GLI2: variants seen among roughly 807,000 people sequenced by gnomAD.
GLI2 encodes the protein GLI family zinc finger 2.
Under a neutral mutation model 78.9 loss-of-function variants are expected in GLI2, and 22 were observed. The observed-to-expected ratio is 0.28, with a 90% CI of 0.20 to 0.40. The LOEUF is 0.40. Among genes scored for constraint, GLI2 ranks in the 10% least tolerant of loss-of-function variants. The pLI, the probability that GLI2 is intolerant of heterozygous loss-of-function variation, is 1.00. For missense variants in GLI2, 2,097 were observed against 2,213.2 expected, an observed-to-expected ratio of 0.95 and a Z score of 1.05; for synonymous variants, 974 against 963.7, an observed-to-expected ratio of 1.01 and a Z score of -0.20.
At chr2:120,926,863 G>T (rs1220379424) in intron 2 of GLI2, among the ~76,000 whole-genome samples, 1 of 152,240 alleles carries the variant, frequency 6.6e-6, no homozygotes, top group Admixed American at 6.5e-5. Context: ...AGTTGGGTGG[G>T]ATTTGGCCTT....
chr2:120,961,136 C>T (rs6650782), intron 5 of GLI2, among the ~76,000 whole-genome samples: 2,791 of 152,244 alleles, frequency 0.018, 73 homozygotes, highest in African/African-American at 0.063. Flanking sequence ...GAGATGTTTC[C>T]GACTGAAATG....
intron 1 of GLI2, among the ~76,000 whole-genome samples, chr2:120,742,679 T>TAAAAAAAAAAAAAAAA (rs10522388): frequency 7.1e-6 from 1 of 140,696 alleles, no homozygotes. Flanking sequence ...AGGATGACTT[T>TAAAAAAAAAAAAAAAA]AAAAAAAAAG....
intron 1 of GLI2, among the ~76,000 whole-genome samples, chr2:120,746,422 AAG>A (rs1182589020): frequency 6.6e-6 from 1 of 152,110 alleles, no homozygotes; most frequent in Non-Finnish European, 1.5e-5. Flanking sequence ...CCCAGCCAGA[AAG>A]TAGAAGGCCT....
At chr2:120,792,365 G>A (rs1185082494) in intron 1 of GLI2, 2 of 152,246 alleles carry the variant, frequency 1.3e-5, no homozygotes, top group Admixed American at 1.3e-4. Context: ...ATGATGCGAT[G>A]TCTAAAACGT....
rs1032156012 is a variant in GLI2 at position 120,990,758 on chromosome 2, C to G, written c.*83C>G. 8 of 1,234,044 alleles carry G rather than the reference C, an allele frequency of 6.5e-6. No individual in the cohort carries two copies. Among genetic ancestry groups the G allele is most frequent in the Non-Finnish European group, 8.0e-6 (7 of 879,830 alleles). 76.4% of individuals were successfully genotyped at this position (1,234,044 alleles called of 1,614,324 possible). A position where few individuals can be genotyped will look rare whatever the true frequency, so the allele number is the denominator to read the frequency against. On this transcript the variant is annotated 3_prime_UTR_variant, in exon 14 of 14. Transcript: ENST00000361492. ...GGGATTCCAGCTGTCTTGTCTTTTT[C>G]CAAAAAAGTGTTAAATAGGCTTGAG...
chr2:120,742,088 C>T (rs534769575), intron 1 of GLI2, among the ~76,000 whole-genome samples: 5 of 152,338 alleles, frequency 3.3e-5, no homozygotes, highest in African/African-American at 1.2e-4. Context: ...GAGAGCACTC[C>T]ACGGGAGCCG....
intron 2 of GLI2, among the ~76,000 whole-genome samples, chr2:120,809,596 G>A (rs1248545858): frequency 2.6e-5 from 4 of 152,080 alleles, no homozygotes; most frequent in East Asian, 1.9e-4. Flanking sequence ...AAGGAAGTGC[G>A]GGGGAGGGAG....
At chr2:120,927,123 C>T (rs935958756) in intron 2 of GLI2, among the ~76,000 whole-genome samples, 2 of 152,222 alleles carry the variant, frequency 1.3e-5, no homozygotes, top group Non-Finnish European at 2.9e-5. Context: ...TGCTTAGCTG[C>T]TTGTCTTTGT....
In GLI2 at chr2:120,841,603, A is replaced by C. The variant is rs76367454; in HGVS notation, c.148+44135A>C. Among the ~76,000 whole-genome samples the C allele has an allele frequency of 1.3e-3, 203 of 152,320 alleles. 1 individual carries two copies. The highest frequency in any genetic ancestry group is 4.8e-3 in the African/African-American group (198 of 41,562). On this transcript the variant is annotated intron_variant, in intron 2 of 13. Coordinates refer to ENST00000361492, the MANE Select transcript of GLI2 (RefSeq NM_001374353.1). ...TTTTTCTGTCTTCATTCATTTCAAC[A>C]GTATTTACCGAGGGTCTTCTGTGTG...
intron 1 of GLI2, among the ~76,000 whole-genome samples, chr2:120,763,412 C>T (rs920625866): frequency 2.0e-5 from 3 of 152,248 alleles, no homozygotes; most frequent in African/African-American, 7.2e-5. Context: ...GTGGCAGGGC[C>T]ACTAGGCAGA....
intron 3 of GLI2, among the ~76,000 whole-genome samples, chr2:120,936,250 A>G (rs569256958): frequency 1.2e-4 from 19 of 152,284 alleles, no homozygotes; most frequent in Non-Finnish European, 1.9e-4. Flanking sequence ...CCCATGTGAA[A>G]CTGTTGTGAG....
chr2:120,847,194 C>T (rs923143910), intron 2 of GLI2, among the ~76,000 whole-genome samples: 6 of 152,206 alleles, frequency 3.9e-5, no homozygotes, highest in Admixed American at 3.9e-4. Context: ...AAGAACAGTG[C>T]TGACTGCTCC....
At chr2:120,956,366 C>T (rs1168030963) in intron 5 of GLI2, among the ~76,000 whole-genome samples, 1 of 152,058 alleles carries the variant, frequency 6.6e-6, no homozygotes, top group Non-Finnish European at 1.5e-5. Context: ...GTAGATGAAG[C>T]TTTTGGTGCC....
At chr2:120,739,318 A>G (rs143769998) in intron 1 of GLI2, among the ~76,000 whole-genome samples, 5 of 152,224 alleles carry the variant, frequency 3.3e-5, no homozygotes, top group African/African-American at 1.2e-4. Flanking sequence ...TTCACTCCAC[A>G]GATGCCAGCA....
At chr2:120,937,824 C>T (rs1279986075) in intron 3 of GLI2, among the ~76,000 whole-genome samples, 2 of 152,240 alleles carry the variant, frequency 1.3e-5, no homozygotes, top group African/African-American at 4.8e-5. Flanking sequence ...AAATTCCACA[C>T]ACCACTTTGG....
chr2:120,762,141 A>G (rs1158882882), intron 1 of GLI2, among the ~76,000 whole-genome samples: 2 of 152,128 alleles, frequency 1.3e-5, no homozygotes, highest in Non-Finnish European at 2.9e-5. Context: ...GAGTAGCCCA[A>G]GCTGGTGGCA....
chr2:120,975,156 G>A lies in GLI2; in HGVS notation c.1317+47G>A, dbSNP rs777248520. 5.6e-6 allele frequency: 9 copies of A among 1,598,516 alleles called. No individual in the cohort carries two copies. In the South Asian group the frequency reaches 8.8e-5, roughly 16 times the overall value. ...GCCCGCCAACCGGGGCACGGCCCAG[G>A]CCATGCAGGATGCTGAGCCTTCCAG... On this transcript the variant is annotated intron_variant, in intron 9 of 13. Transcript: ENST00000361492.
At chr2:120,915,143 G>A (rs1390485420) in intron 2 of GLI2, among the ~76,000 whole-genome samples, 1 of 152,228 alleles carries the variant, frequency 6.6e-6, no homozygotes, top group African/African-American at 2.4e-5. Flanking sequence ...CTGGTGTGGA[G>A]TGGCTGTGCT....
intron 2 of GLI2, among the ~76,000 whole-genome samples, chr2:120,865,897 C>T (rs1421835242): frequency 2.6e-5 from 4 of 152,216 alleles, no homozygotes; most frequent in Non-Finnish European, 5.9e-5. Context: ...GACCTGGCAC[C>T]CCCCCTGTTC....
Sources: allele counts gnomAD v4.1 joint callset (sites outside exome capture counted in the v4.1 genomes callset), GRCh38; gene constraint gnomAD v4.1.1; transcripts MANE v1.5; gene names NCBI Gene and HGNC (gene_info 2026-07-23, HGNC 2026-07-21).